Variants in PPARGC1A observed in about 807,000 individuals in gnomAD.
The protein encoded by PPARGC1A is peroxisome proliferator-activated receptor gamma coactivator 1-alpha.
PPARGC1A carries 25 observed loss-of-function variants against 88.7 expected under a neutral mutation model. That is an observed-to-expected ratio of 0.28 (90% CI 0.21 to 0.39). The LOEUF (loss-of-function observed/expected upper bound fraction) is 0.39. Ranked by LOEUF, PPARGC1A falls within the 10% of genes least tolerant of loss-of-function variation. PPARGC1A has a pLI of 1.00. For synonymous variants in PPARGC1A, 363 were observed against 355.6 expected (o/e 1.02, Z -0.24); for missense variants, 880 against 968.7 (o/e 0.91, Z 1.22).
chr4:23,914,539 T>G, the PPARGC1A span, among the ~76,000 whole-genome samples: 151 of 152,274 alleles, frequency 9.9e-4, no homozygotes, highest in Middle Eastern at 3.4e-3. Context: ...CCTCTAAAAC[T>G]TCCCCAAAAC....
chr4:24,293,951 A>T, the PPARGC1A span, among the ~76,000 whole-genome samples: 5 of 152,210 alleles, frequency 3.3e-5, no homozygotes, highest in Non-Finnish European at 5.9e-5. Context: ...AGATGGATAA[A>T]TATATAAATG....
the PPARGC1A span, among the ~76,000 whole-genome samples, chr4:24,008,106 G>C: frequency 2.0e-5 from 3 of 152,302 alleles, no homozygotes; most frequent in African/African-American, 7.2e-5. Context: ...AATGCACAAG[G>C]AGAGGAAGAG....
the PPARGC1A span, among the ~76,000 whole-genome samples, chr4:24,067,421 G>A: frequency 2.0e-5 from 3 of 152,076 alleles, no homozygotes; most frequent in Non-Finnish European, 4.4e-5. Context: ...CCAAAGGGAC[G>A]CCTCTCTCAA....
chr4:24,297,895 A>T, the PPARGC1A span, among the ~76,000 whole-genome samples: 1 of 152,172 alleles, frequency 6.6e-6, no homozygotes, highest in South Asian at 2.1e-4. Context: ...CAACAGGATG[A>T]TCTTCAGCTA....
the PPARGC1A span, among the ~76,000 whole-genome samples, chr4:24,026,501 G>C: frequency 3.3e-5 from 5 of 151,912 alleles, no homozygotes; most frequent in Non-Finnish European, 7.4e-5. Context: ...TTCTCCTTTT[G>C]TATTTAAGTG....
chr4:24,031,681 A>G, the PPARGC1A span, among the ~76,000 whole-genome samples: 2 of 152,290 alleles, frequency 1.3e-5, no homozygotes, highest in East Asian at 1.9e-4. Context: ...CATCCACTAG[A>G]TAACAGTAGC....
chr4:24,204,917 G>A, the PPARGC1A span, among the ~76,000 whole-genome samples: 4 of 152,064 alleles, frequency 2.6e-5, no homozygotes, highest in African/African-American at 4.8e-5. Flanking sequence ...TCTACCTCAC[G>A]GGTCCAAGCA....
the PPARGC1A span, among the ~76,000 whole-genome samples, chr4:23,958,498 C>T: frequency 6.6e-6 from 1 of 152,036 alleles, no homozygotes; most frequent in East Asian, 1.9e-4. Flanking sequence ...TAAAACTCTG[C>T]TTTATTTTAT....
At chr4:24,018,039 G>A in the PPARGC1A span, among the ~76,000 whole-genome samples, 1 of 152,094 alleles carries the variant, frequency 6.6e-6, no homozygotes, top group African/African-American at 2.4e-5. Flanking sequence ...AACTCTAAGG[G>A]TCAAGTTATA....
intron 2 of PPARGC1A, among the ~76,000 whole-genome samples, chr4:23,833,496 G>A (rs1482713956): frequency 1.3e-5 from 2 of 152,158 alleles, no homozygotes; most frequent in Non-Finnish European, 2.9e-5. Flanking sequence ...GCACCTAGCT[G>A]CTGACATCTA....
chr4:24,208,126 G>C, the PPARGC1A span, among the ~76,000 whole-genome samples: 2 of 151,976 alleles, frequency 1.3e-5, no homozygotes, highest in African/African-American at 4.8e-5. Flanking sequence ...AAAAAAAAAT[G>C]TTAAAAATTA....
chr4:23,909,978 C>T, the PPARGC1A span, among the ~76,000 whole-genome samples: 2 of 150,070 alleles, frequency 1.3e-5, no homozygotes, highest in East Asian at 2.0e-4. Flanking sequence ...AATGCAGCTG[C>T]TAACGTGATT....
the PPARGC1A span, among the ~76,000 whole-genome samples, chr4:24,029,296 A>T: frequency 6.6e-6 from 1 of 152,222 alleles, no homozygotes; most frequent in Non-Finnish European, 1.5e-5. Context: ...ATAAGTGGAA[A>T]TGGTGGAAAA....
the PPARGC1A span, among the ~76,000 whole-genome samples, chr4:24,193,754 A>G: frequency 6.6e-6 from 1 of 152,176 alleles, no homozygotes; most frequent in Non-Finnish European, 1.5e-5. Flanking sequence ...GAGCTCTGTG[A>G]GGGCAGGCAA....
At chr4:23,979,424 A>G in the PPARGC1A span, among the ~76,000 whole-genome samples, 2 of 152,152 alleles carry the variant, frequency 1.3e-5, no homozygotes, top group East Asian at 1.9e-4. Flanking sequence ...CTGCATCTAC[A>G]TGGTTACAAT....
chr4:24,211,205 AT>A, the PPARGC1A span, among the ~76,000 whole-genome samples: 1 of 152,150 alleles, frequency 6.6e-6, no homozygotes, highest in Non-Finnish European at 1.5e-5. Flanking sequence ...AGATGAAAAA[AT>A]ATTATCATCC....
At chr4:24,150,921 C>G in the PPARGC1A span, among the ~76,000 whole-genome samples, 1 of 152,198 alleles carries the variant, frequency 6.6e-6, no homozygotes, top group African/African-American at 2.4e-5. Flanking sequence ...ACCCTCTCCT[C>G]TCTATTTCCA....
rs1212696196 is a variant in PPARGC1A, at chr4:23,813,960, T to C, written c.1523A>G (p.Asp508Gly). ...PMFINSGLAM[D>G]GLFDDSEDES... ...ATCTTCGCTGTCATCAAACAGGCCA[T>C]CCATGGCTAGTCCTGAATTTATAAA... The change falls in exon 8 of 13, where the codon GAT (aspartate) becomes GGT (glycine). Residue 508 changes from aspartate to glycine, a missense_variant. By Grantham distance (94) the Asp-to-Gly change is moderately conservative. Transcript: ENST00000264867. The C allele has an allele frequency of 4.3e-6, 7 of 1,614,128 alleles. No individual in the cohort carries two copies. Among genetic ancestry groups the C allele is most frequent in the Non-Finnish European group, 5.9e-6 (7 of 1,179,990 alleles).
chr4:24,406,170 C>T, the PPARGC1A span, among the ~76,000 whole-genome samples: 1 of 152,210 alleles, frequency 6.6e-6, no homozygotes. Flanking sequence ...CTTAATGAGG[C>T]AATTGCTTGG....
Sources: allele counts gnomAD v4.1 joint callset (sites outside exome capture counted in the v4.1 genomes callset), GRCh38; gene constraint gnomAD v4.1.1; transcripts MANE v1.5; gene names NCBI Gene and HGNC (gene_info 2026-07-23, HGNC 2026-07-21).